The following TMEM192 variants were observed in gnomAD, a reference collection of about 807,000 sequenced individuals.
TMEM192 encodes transmembrane protein 192.
In TMEM192, 20 loss-of-function variants were observed where a neutral mutation model predicts 26.7. The observed-to-expected ratio is 0.75, with a 90% confidence interval of 0.53 to 1.09. TMEM192 has a LOEUF of 1.09. Among genes scored for constraint, TMEM192 ranks in the 50% least tolerant of loss-of-function variants. TMEM192 has a pLI of 0.00. For missense variants in TMEM192, 304 were observed against 322.6 expected, an observed-to-expected ratio of 0.94 and a Z score of 0.44; for synonymous variants, 124 against 121.0, an observed-to-expected ratio of 1.02 and a Z score of -0.16.
chr4:165,085,273 CAAAAA>C (rs398051329), intron 5 of TMEM192, among the ~76,000 whole-genome samples: 2 of 83,702 alleles, frequency 2.4e-5, no homozygotes, highest in South Asian at 4.1e-4. Context: ...AACTCCATCT[CAAAAA>C]AAAAAAAAAA....
At position 165,093,735 on chromosome 4, in the gene TMEM192, T is replaced by C. The variant is rs542406367; in HGVS notation, c.440-5133A>G. 2.2e-4 allele frequency among the ~76,000 whole-genome samples: 33 copies of C among 152,228 alleles called. 1 individual carries two copies. The South Asian group carries it at 6.4e-3, about 30-fold the overall frequency. On this transcript the variant is annotated intron_variant, in intron 3 of 5. Transcript: ENST00000306480. ...ATACAGTTATACAGTAATAGTCTAA[T>C]AATGGTGACTTTTTTTTGAAACAGT...
At chr4:165,106,730 C>T (rs900946298) in intron 1 of TMEM192, among the ~76,000 whole-genome samples, 37 of 152,194 alleles carry the variant, frequency 2.4e-4, no homozygotes, top group African/African-American at 7.7e-4. Context: ...CTTCGGCTGC[C>T]GACTGAAGGC....
chr4:165,086,434 T>C (rs1428929436), intron 4 of TMEM192, among the ~76,000 whole-genome samples: 1 of 150,878 alleles, frequency 6.6e-6, no homozygotes, highest in Non-Finnish European at 1.5e-5. Flanking sequence ...TTTTTTTTTT[T>C]TTTGAGACGG....
intron 4 of TMEM192, among the ~76,000 whole-genome samples, chr4:165,086,076 C>T (rs1229485648): frequency 6.6e-6 from 1 of 152,108 alleles, no homozygotes; most frequent in Admixed American, 6.6e-5. Flanking sequence ...AGATAATAAT[C>T]CTACATTCTA....
intron 4 of TMEM192, among the ~76,000 whole-genome samples, chr4:165,087,715 G>A (rs557645963): frequency 1.0e-3 from 152 of 152,234 alleles, no homozygotes; most frequent in African/African-American, 3.4e-3. Context: ...CAAGGCGGGC[G>A]GATCACCTGA....
chr4:165,093,250 C>A (rs1393792180), intron 3 of TMEM192, among the ~76,000 whole-genome samples: 1 of 151,768 alleles, frequency 6.6e-6, no homozygotes, highest in East Asian at 1.9e-4. Context: ...ATGCCCGCCA[C>A]CATGCCTGGC....
At chr4:165,089,388 T>C (rs1373400012) in intron 3 of TMEM192, among the ~76,000 whole-genome samples, 1 of 152,078 alleles carries the variant, frequency 6.6e-6, no homozygotes, top group Non-Finnish European at 1.5e-5. Flanking sequence ...TGGCGCTATC[T>C]CGGCTCACTG....
Position 165,100,807 on chromosome 4 carries a change from G to A in TMEM192, c.260C>T (p.Thr87Ile), listed in dbSNP as rs776448890. 13 of 1,613,918 alleles carry A rather than the reference G, an allele frequency of 8.1e-6. No individual in the cohort carries two copies. Among genetic ancestry groups the A allele is most frequent in the Non-Finnish European group, 1.0e-5 (12 of 1,180,006 alleles). ...AACCGTCTGAACTTTCAATGGGTTT[G>A]TGTAATTTCCTGGGCACTTGTCCTC... The part of the protein sequence containing the change: ...PNEDKCPGNY[T>I]NPLKVQTVII... The change falls in exon 3 of 6, where the codon ACA (threonine) becomes ATA (isoleucine). Residue 87 changes from threonine (T) to isoleucine (I), a missense_variant. By Grantham distance (89) the Thr-to-Ile change is moderately conservative. Transcript: ENST00000306480.
At position 165,088,469 on chromosome 4, in the gene TMEM192, T is replaced by C. The variant is rs1286868012; in HGVS notation, c.573A>G (p.Thr191=). The change falls in exon 4 of 6, where the codon ACA becomes ACG. Residue 191 remains threonine (T), a splice_region_variant and synonymous_variant. Transcript: ENST00000306480. ...GAACAGGCTCGTTGTAATTCTCACCTGTGTAAATGAGGAGACATATCAGGG... is the reference window on the plus strand; with the variant it reads ...GAACAGGCTCGTTGTAATTCTCACCCGTGTAAATGAGGAGACATATCAGGG... ...ICSLICLLIY[T]VKIRRFNKAK... 1 of 1,611,538 alleles carries C rather than the reference T, an allele frequency of 6.2e-7. No individual in the cohort carries two copies. Among genetic ancestry groups the C allele is most frequent in the African/African-American group, 1.3e-5 (1 of 74,816 alleles).
At chr4:165,103,328 G>T (rs1735088013) in intron 1 of TMEM192, among the ~76,000 whole-genome samples, 1 of 151,644 alleles carries the variant, frequency 6.6e-6, no homozygotes, top group African/African-American at 2.4e-5. Context: ...TGTTGCCCAG[G>T]CTGGTCTTGT....
rs1734448838 is a variant in TMEM192, at chr4:165,078,826, G to T, written c.*832C>A. On this transcript the variant is annotated 3_prime_UTR_variant, in exon 6 of 6. Coordinates refer to ENST00000306480, the MANE Select transcript of TMEM192 (RefSeq NM_001100389.2). ...TTTTTTTGAGACGGAGTCTCGCTCT[G>T]TCGCCCAGGCTGGAGTGCAGTGGCG... The T allele has an allele frequency of 6.6e-6, 1 of 152,462 alleles. No homozygotes were observed. The highest frequency in any genetic ancestry group is 1.9e-4 in the East Asian group (1 of 5,200). 9.4% of individuals were successfully genotyped at this position (152,462 alleles called of 1,614,324 possible). A position where few individuals can be genotyped will look rare whatever the true frequency, so the allele number is the denominator to read the frequency against.
intron 1 of TMEM192, among the ~76,000 whole-genome samples, chr4:165,105,735 T>TCC (rs1456376443): frequency 1.3e-5 from 2 of 152,200 alleles, no homozygotes; most frequent in Admixed American, 1.3e-4. Context: ...CCTCAAGCAA[T>TCC]CCTCCCAAGT....
rs548464961 is a variant in TMEM192, at chr4:165,079,131, C to G, written c.*527G>C. On this transcript the variant is annotated 3_prime_UTR_variant, in exon 6 of 6. Coordinates refer to ENST00000306480, the MANE Select transcript of TMEM192 (RefSeq NM_001100389.2). ...TCAGTCCTATGGTGAGAAAAATTCT[C>G]TATAAAAGCTATATGGTCCATGATG... The G allele has an allele frequency of 6.6e-6, 1 of 152,364 alleles. No individual in the cohort carries two copies. Among genetic ancestry groups the G allele is most frequent in the South Asian group, 2.1e-4 (1 of 4,828 alleles). 9.4% of individuals were successfully genotyped at this position (152,364 alleles called of 1,614,324 possible). A position where few individuals can be genotyped will look rare whatever the true frequency, so the allele number is the denominator to read the frequency against.
At chr4:165,091,146 A>G (rs904274744) in intron 3 of TMEM192, among the ~76,000 whole-genome samples, 2 of 151,816 alleles carry the variant, frequency 1.3e-5, no homozygotes, top group Non-Finnish European at 2.9e-5. Flanking sequence ...GGGCGCCTGT[A>G]GTCTCAGCTA....
At chr4:165,106,937 TC>T (rs1307775411) in intron 1 of TMEM192, among the ~76,000 whole-genome samples, 1 of 152,110 alleles carries the variant, frequency 6.6e-6, no homozygotes, top group Non-Finnish European at 1.5e-5. Context: ...CCTAATACGA[TC>T]CCCAAATCCT....
chr4:165,084,078 T>C (rs1344869245), intron 5 of TMEM192, among the ~76,000 whole-genome samples: 1 of 151,966 alleles, frequency 6.6e-6, no homozygotes, highest in Non-Finnish European at 1.5e-5. Context: ...CCTCAGCCTC[T>C]TAAAAGTGCT....
At chr4:165,099,379 C>A (rs1419175406) in intron 3 of TMEM192, among the ~76,000 whole-genome samples, 1 of 152,090 alleles carries the variant, frequency 6.6e-6, no homozygotes, top group African/African-American at 2.4e-5. Flanking sequence ...AGCTACTGTG[C>A]CCGGCCATTT....
chr4:165,104,139 T>C (rs778627720), intron 1 of TMEM192, among the ~76,000 whole-genome samples: 24 of 152,178 alleles, frequency 1.6e-4, no homozygotes, highest in Non-Finnish European at 3.2e-4. Flanking sequence ...GGATATATAC[T>C]GCATTGTATA....
chr4:165,107,425 GC>G (rs931128328), intron 1 of TMEM192, among the ~76,000 whole-genome samples: 13 of 150,900 alleles, frequency 8.6e-5, no homozygotes, highest in Middle Eastern at 3.2e-3. Context: ...CAGCCTCCGT[GC>G]CCCCCTCCCC....
Sources: gnomAD v4.1 joint callset for allele counts (sites outside exome capture counted in the v4.1 genomes callset) on GRCh38, gnomAD v4.1.1 for gene constraint, MANE v1.5 for transcripts, NCBI Gene and HGNC (gene_info 2026-07-23, HGNC 2026-07-21) for gene names.